The following GPR83 variants were observed in gnomAD, a reference collection of about 807,000 sequenced individuals.
The protein encoded by GPR83 is G-protein coupled receptor 72.
Under a neutral mutation model 28.0 loss-of-function variants are expected in GPR83, and 23 were observed. The observed-to-expected ratio is 0.82, with a 90% CI of 0.59 to 1.16. The LOEUF is 1.16. Ranked by LOEUF, GPR83 falls within the 50% of genes most tolerant of loss-of-function variation. The pLI is 0.00. For missense variants in GPR83, 610 were observed against 536.6 expected (o/e 1.14, Z -1.35); for synonymous variants, 234 against 215.4 (o/e 1.09, Z -0.76).
chr11:94,401,382 G>T lies in GPR83; in HGVS notation c.-135C>A, dbSNP rs1429130602. 2 of 818,334 alleles carry T rather than the reference G, an allele frequency of 2.4e-6. No homozygotes were observed. Among genetic ancestry groups the T allele is most frequent in the African/African-American group, 3.6e-5 (2 of 54,828 alleles). The allele number at this position is 818,334 out of a possible 1,614,324, so 50.7% of individuals were successfully genotyped here. Reference sequence around the variant, plus strand: ...AGGAGCCAGGGAGCCCGGACGCGCGGAGCACCGCGCCGCCCGCCACCAGCC... The same window carrying T: ...AGGAGCCAGGGAGCCCGGACGCGCGTAGCACCGCGCCGCCCGCCACCAGCC... On this transcript the variant is annotated 5_prime_UTR_variant, in exon 1 of 4. Transcript: ENST00000243673.
chr11:94,400,824 A>C (rs962341289), intron 1 of GPR83, 37 bp downstream of exon 1: 2 of 1,598,834 alleles, frequency 1.3e-6, no homozygotes, highest in African/African-American at 2.7e-5. Context: ...AGGGAGACGA[A>C]GACAGAAGGT....
At chr11:94,390,754 T>C (rs1477175896) in intron 3 of GPR83, among the ~76,000 whole-genome samples, 1 of 152,156 alleles carries the variant, frequency 6.6e-6, no homozygotes, top group East Asian at 1.9e-4. Flanking sequence ...TGCCTAGGAA[T>C]ACAACTTACA....
chr11:94,390,478 T>G (rs1363863407), intron 3 of GPR83, among the ~76,000 whole-genome samples: 2 of 152,076 alleles, frequency 1.3e-5, no homozygotes, highest in Non-Finnish European at 2.9e-5. Flanking sequence ...GCCAGGGCAA[T>G]CAGGCAGGAG....
In GPR83 at chr11:94,401,244, C is replaced by T; in HGVS notation, c.4G>A (p.Val2Ile). The T allele has an allele frequency of 6.3e-7, 1 of 1,597,518 alleles. No individual in the cohort carries two copies. The highest frequency in any genetic ancestry group is 1.3e-5 in the African/African-American group (1 of 74,492). M[V>I]PHLLLLCLLP... ...AGACAGAGCAGCAAGAGGTGAGGGACCATTTTGCAGGAGCCACCCCTCCCC... is the reference window on the plus strand; with the variant it reads ...AGACAGAGCAGCAAGAGGTGAGGGATCATTTTGCAGGAGCCACCCCTCCCC... The change falls in exon 1 of 4, where the codon GTC (valine) becomes ATC (isoleucine). Residue 2 changes from valine (V) to isoleucine (I), a missense_variant. Transcript: ENST00000243673.
At chr11:94,397,185 G>A (rs777973938) in intron 1 of GPR83, among the ~76,000 whole-genome samples, 2 of 152,264 alleles carry the variant, frequency 1.3e-5, no homozygotes, top group South Asian at 2.1e-4. Flanking sequence ...GAACAGGTGT[G>A]GGGAGAGAAG....
Position 94,396,443 on chromosome 11 carries a change from C to T in GPR83, c.469G>A (p.Val157Ile), listed in dbSNP as rs770780686. Residue 157 changes from valine (V) to isoleucine (I), a missense_variant, in exon 2 of 4, where the codon GTC becomes ATC. Coordinates refer to ENST00000243673, the MANE Select transcript of GPR83 (RefSeq NM_016540.4). Reference sequence around the variant, plus strand: ...ATGGCTGTCAGTGTCAGTGCTGAGACGTGCAGTGAGCAGTACTGGGCAAAG... The same window carrying T: ...ATGGCTGTCAGTGTCAGTGCTGAGATGTGCAGTGAGCAGTACTGGGCAAAG... ...SRFAQYCSLH[V>I]SALTLTAIAV... 56 of 1,613,882 alleles carry T rather than the reference C, an allele frequency of 3.5e-5. No homozygotes were observed. Among genetic ancestry groups the T allele is most frequent in the Non-Finnish European group, 4.2e-5 (50 of 1,179,916 alleles).
At chr11:94,383,807 C>A (rs562745807) in intron 3 of GPR83, among the ~76,000 whole-genome samples, 2 of 152,136 alleles carry the variant, frequency 1.3e-5, no homozygotes, top group Non-Finnish European at 2.9e-5. Context: ...CCTGAATAAA[C>A]CACTAACAAG....
chr11:94,387,669 A>T (rs1383989066), intron 3 of GPR83, among the ~76,000 whole-genome samples: 2 of 152,178 alleles, frequency 1.3e-5, no homozygotes, highest in African/African-American at 4.8e-5. Flanking sequence ...CAGGCTCTGA[A>T]ATGGAGGCAA....
chr11:94,389,436 G>A (rs1370833810), intron 3 of GPR83, among the ~76,000 whole-genome samples: 4 of 152,270 alleles, frequency 2.6e-5, no homozygotes, highest in African/African-American at 9.6e-5. Context: ...CTGACAAAGG[G>A]CTGATATCCA....
intron 3 of GPR83, among the ~76,000 whole-genome samples, chr11:94,387,953 A>G (rs555598876): frequency 3.9e-5 from 6 of 152,288 alleles, no homozygotes; most frequent in South Asian, 2.1e-4. Flanking sequence ...GAATCCAGCA[A>G]CACATCAAAA....
In GPR83 at chr11:94,380,450, T is replaced by A; in HGVS notation, c.971A>T (p.Asn324Ile). 1.2e-6 allele frequency: 2 copies of A among 1,614,092 alleles called. No homozygotes were observed. Among genetic ancestry groups the A allele is most frequent in the South Asian group, 1.1e-5 (1 of 91,068 alleles). Residue 324 changes from asparagine (N) to isoleucine (I), a missense_variant, in exon 4 of 4, where the codon AAT becomes ATT. Asn to Ile is a moderately radical substitution (Grantham distance 149). Transcript: ENST00000243673. Reference protein sequence around the residue: ...LLSSKVIRTNNALYFAFHWFA... With the variant: ...LLSSKVIRTNIALYFAFHWFA... ...CCAGTGGAAGGCAAAGTAGAGGGCA[T>A]TGTTGGTGCGGATGACCTTGCTGGA...
chr11:94,382,346 A>AAC, intron 3 of GPR83, among the ~76,000 whole-genome samples: 1 of 23,552 alleles, frequency 4.2e-5, no homozygotes, highest in African/African-American at 7.0e-5. Flanking sequence ...ACCATCTCAA[A>AAC]AAAAAAAAAA....
rs930908896 is a variant in GPR83 at position 94,378,246 on chromosome 11, A to G, written c.*1903T>C. 1 of 152,230 alleles carries G rather than the reference A, an allele frequency of 6.6e-6. No homozygotes were observed. Among genetic ancestry groups the G allele is most frequent in the African/African-American group, 2.4e-5 (1 of 41,462 alleles). 9.4% of individuals were successfully genotyped at this position (152,230 alleles called of 1,614,324 possible). A position where few individuals can be genotyped will look rare whatever the true frequency, so the allele number is the denominator to read the frequency against. On this transcript the variant is annotated 3_prime_UTR_variant, in exon 4 of 4. Coordinates refer to ENST00000243673, the MANE Select transcript of GPR83 (RefSeq NM_016540.4). ...CTAGGATAAAGAACCCTCATAGTTC[A>G]TTACAGGGAAGCAGATGATGTGAGC...
At position 94,393,474 on chromosome 11, in the gene GPR83, A is replaced by G. The variant is rs1944837065; in HGVS notation, c.647+11T>C. ...CAAGTCCCCAGGCAGATCCCAACGA[A>G]TTCATCTCACCTGTATTTGAAGGTA... On this transcript the variant is annotated intron_variant, in intron 3 of 3. Coordinates refer to ENST00000243673, the MANE Select transcript of GPR83 (RefSeq NM_016540.4). 1.2e-6 allele frequency: 2 copies of G among 1,613,738 alleles called. No homozygotes were observed. The highest frequency in any genetic ancestry group is 4.5e-5 in the East Asian group (2 of 44,876).
At chr11:94,388,641 G>C (rs2134689247) in intron 3 of GPR83, among the ~76,000 whole-genome samples, 1 of 152,282 alleles carries the variant, frequency 6.6e-6, no homozygotes, top group East Asian at 1.9e-4. Context: ...TCTTCAAGGA[G>C]AACTACAAAC....
chr11:94,396,543 A>T lies in GPR83; in HGVS notation c.388-19T>A. ...AGCGAACCTGGAGATGAGCCCAAAG[A>T]TGTTAGGAGACAGACAGGCCTTGAC... On this transcript the variant is annotated intron_variant, in intron 1 of 3. Coordinates refer to ENST00000243673, the MANE Select transcript of GPR83 (RefSeq NM_016540.4). 6.2e-7 allele frequency: 1 copy of T among 1,611,368 alleles called. No individual in the cohort carries two copies. The highest frequency in any genetic ancestry group is 1.7e-4 in the Middle Eastern group (1 of 6,052).
At chr11:94,390,609 A>C (rs1944808243) in intron 3 of GPR83, among the ~76,000 whole-genome samples, 1 of 152,222 alleles carries the variant, frequency 6.6e-6, no homozygotes, top group Non-Finnish European at 1.5e-5. Flanking sequence ...TAAGCTGATA[A>C]GCAACTTCAG....
rs530394127 is a variant in GPR83 at position 94,378,010 on chromosome 11, C to T, written c.*2139G>A. 3 of 152,228 alleles carry T rather than the reference C, an allele frequency of 2.0e-5. No individual in the cohort carries two copies. The highest frequency in any genetic ancestry group is 1.3e-4 in the Admixed American group (2 of 15,290). The allele number at this position is 152,228 out of a possible 1,614,324, so 9.4% of individuals were successfully genotyped here. ...CTGGTTCACAGAATTTCTATGGCAG[C>T]TTTCAGATGAAACCATTAGCTACTT... On this transcript the variant is annotated 3_prime_UTR_variant, in exon 4 of 4. Coordinates refer to ENST00000243673, the MANE Select transcript of GPR83 (RefSeq NM_016540.4).
At position 94,380,567 on chromosome 11, in the gene GPR83, C is replaced by G. The variant is rs373991067; in HGVS notation, c.854G>C (p.Arg285Pro). Reference protein sequence around the residue: ...VTTEQYFALRRKKKKTIKMLM... With the variant: ...VTTEQYFALRPKKKKTIKMLM... Reference sequence around the variant, plus strand: ...CATCTTGATGGTCTTCTTCTTTTTGCGCCGCAGGGCAAAGTACTGCTCTGT... The same window carrying G: ...CATCTTGATGGTCTTCTTCTTTTTGGGCCGCAGGGCAAAGTACTGCTCTGT... Residue 285 changes from arginine (R) to proline (P), a missense_variant, in exon 4 of 4, where the codon CGC (arginine) becomes CCC (proline). Coordinates refer to ENST00000243673, the MANE Select transcript of GPR83 (RefSeq NM_016540.4). 1 of 1,614,112 alleles carries G rather than the reference C, an allele frequency of 6.2e-7. No homozygotes were observed. Among genetic ancestry groups the G allele is most frequent in the Non-Finnish European group, 8.5e-7 (1 of 1,180,002 alleles).
Sources: allele counts gnomAD v4.1 joint callset (sites outside exome capture counted in the v4.1 genomes callset), GRCh38; gene constraint gnomAD v4.1.1; transcripts MANE v1.5; gene names NCBI Gene and HGNC (gene_info 2026-07-23, HGNC 2026-07-21).